PRKX: variants seen among roughly 807,000 people sequenced by gnomAD.
The protein encoded by PRKX is cAMP-dependent protein kinase catalytic subunit PRKX.
In PRKX, 12 loss-of-function variants were observed where a neutral mutation model predicts 22.0. The observed-to-expected ratio is 0.54, with a 90% CI of 0.35 to 0.88. PRKX has a LOEUF of 0.88. Among genes scored for constraint, PRKX ranks in the 40% least tolerant of loss-of-function variants. The pLI is 0.01. For missense variants in PRKX, 217 were observed against 308.0 expected, an observed-to-expected ratio of 0.70 and a Z score of 2.21; for synonymous variants, 134 against 137.7, an observed-to-expected ratio of 0.97 and a Z score of 0.19.
rs1172328585 is a variant in PRKX at position 3,608,062 on chromosome X, T to C, written c.*907A>G. ...ATGCCCGGCTAATTTTTTTGTATTT[T>C]GTAGAGATGAGGTCTCACCACGTTT... On this transcript the variant is annotated 3_prime_UTR_variant, in exon 9 of 9. Coordinates refer to ENST00000262848, the MANE Select transcript of PRKX (RefSeq NM_005044.5). 1 of 108,262 alleles carries C rather than the reference T, an allele frequency of 9.2e-6. No individual in the cohort carries two copies. Among genetic ancestry groups the C allele is most frequent in the Non-Finnish European group, 1.9e-5 (1 of 52,315 alleles). 8.9% of individuals were successfully genotyped at this position (108,262 alleles called of 1,213,427 possible). A position where few individuals can be genotyped will look rare whatever the true frequency, so the allele number is the denominator to read the frequency against.
chrX:3,673,923 A>G (rs1419603333), intron 2 of PRKX, among the ~76,000 whole-genome samples: 1 of 111,083 alleles, frequency 9.0e-6, no homozygotes, highest in Non-Finnish European at 1.9e-5. Flanking sequence ...GACACAGTGA[A>G]AAGGCGCCAT....
chrX:3,644,475 G>A (rs1927150215), intron 3 of PRKX, among the ~76,000 whole-genome samples: 1 of 107,314 alleles, frequency 9.3e-6, no homozygotes, highest in Admixed American at 1.0e-4. Flanking sequence ...AAGAAGACAA[G>A]GAGAGAAATT....
chrX:3,654,099 T>C (rs1462916410), intron 3 of PRKX, among the ~76,000 whole-genome samples: 1 of 87,360 alleles, frequency 1.1e-5, no homozygotes, highest in East Asian at 3.3e-4. Context: ...GTATGTGTAA[T>C]ATATAATACG....
chrX:3,651,080 G>C (rs1927322204), intron 3 of PRKX, among the ~76,000 whole-genome samples: 1 of 106,154 alleles, frequency 9.4e-6, no homozygotes, highest in South Asian at 4.3e-4. Flanking sequence ...GGCCAGCAGA[G>C]AGATGCTTCG....
At chrX:3,711,151 G>A (rs139519998) in intron 1 of PRKX, among the ~76,000 whole-genome samples, 3 of 110,889 alleles carry the variant, frequency 2.7e-5, no homozygotes, top group Non-Finnish European at 3.8e-5. Flanking sequence ...TGTTCCAGAC[G>A]TGCATGCAAA....
chrX:3,694,717 G>A (rs1928410928), intron 1 of PRKX, among the ~76,000 whole-genome samples: 1 of 112,321 alleles, frequency 8.9e-6, no homozygotes, highest in African/African-American at 3.2e-5. Context: ...TAGGGATCTT[G>A]AGATGAGATC....
chrX:3,696,786 G>A (rs1206343132), intron 1 of PRKX, among the ~76,000 whole-genome samples: 2 of 112,042 alleles, frequency 1.8e-5, no homozygotes, highest in Non-Finnish European at 1.9e-5. Flanking sequence ...TCGGGAGGCC[G>A]AGGGAGGCGG....
intron 7 of PRKX, among the ~76,000 whole-genome samples, chrX:3,613,054 G>A (rs1358621344): frequency 9.6e-6 from 1 of 103,924 alleles, no homozygotes; most frequent in Non-Finnish European, 2.0e-5. Context: ...GGGAGGCTGA[G>A]GCAGGAGAAT....
intron 1 of PRKX, among the ~76,000 whole-genome samples, chrX:3,686,978 C>G (rs1465953805): frequency 1.8e-5 from 2 of 112,039 alleles, no homozygotes; most frequent in Non-Finnish European, 3.8e-5. Context: ...ACCAACACCA[C>G]CAACCATCTC....
At chrX:3,655,128 C>G (rs1927451405) in intron 3 of PRKX, 21 bp downstream of exon 3, 1 of 1,206,360 alleles carries the variant, frequency 8.3e-7, no homozygotes, top group African/African-American at 1.8e-5. Context: ...TAGATTCCAT[C>G]GGAGTTCACG....
chrX:3,630,420 C>G (rs764116083), intron 4 of PRKX, among the ~76,000 whole-genome samples: 3 of 111,185 alleles, frequency 2.7e-5, no homozygotes, highest in Non-Finnish European at 5.7e-5. Flanking sequence ...ATTAGCCAGG[C>G]GTGGTGGCGG....
At chrX:3,679,331 T>C (rs956008806) in intron 1 of PRKX, among the ~76,000 whole-genome samples, 6 of 112,461 alleles carry the variant, frequency 5.3e-5, no homozygotes, top group Non-Finnish European at 1.1e-4. Context: ...CTCTCGATTT[T>C]TTGCATGAAT....
At chrX:3,690,087 T>C (rs1278379032) in intron 1 of PRKX, among the ~76,000 whole-genome samples, 8 of 112,761 alleles carry the variant, frequency 7.1e-5, no homozygotes, top group African/African-American at 2.6e-4. Context: ...ATTGTATCTC[T>C]ATAAACAATG....
intron 2 of PRKX, among the ~76,000 whole-genome samples, chrX:3,665,141 C>T (rs763475619): frequency 3.9e-4 from 43 of 111,087 alleles, no homozygotes; most frequent in African/African-American, 1.4e-3. Context: ...TGTGTGTGCA[C>T]GTGCACGTGT....
intron 1 of PRKX, among the ~76,000 whole-genome samples, chrX:3,700,186 G>C (rs1928529419): frequency 8.9e-6 from 1 of 111,970 alleles, no homozygotes; most frequent in Non-Finnish European, 1.9e-5. Flanking sequence ...GGACCCTCTG[G>C]CTTGTGACAG....
At chrX:3,683,042 C>A (rs1928106415) in intron 1 of PRKX, among the ~76,000 whole-genome samples, 1 of 111,149 alleles carries the variant, frequency 9.0e-6, no homozygotes, top group Non-Finnish European at 1.9e-5. Context: ...ACGCCTGGAG[C>A]CCCCAGGAGC....
chrX:3,648,553 C>T (rs1309928216), intron 3 of PRKX, among the ~76,000 whole-genome samples: 9 of 103,793 alleles, frequency 8.7e-5, no homozygotes, highest in African/African-American at 3.6e-5. Flanking sequence ...TGATAACAAT[C>T]GAAGCTGGGT....
chrX:3,701,750 G>A (rs141026652), intron 1 of PRKX, among the ~76,000 whole-genome samples: 28 of 111,284 alleles, frequency 2.5e-4, no homozygotes, highest in South Asian at 7.6e-4. Context: ...AACAGGTTGC[G>A]GTAAAGAAGC....
At chrX:3,640,923 A>C (rs764172428) in intron 4 of PRKX, among the ~76,000 whole-genome samples, 138 of 111,133 alleles carry the variant, frequency 1.2e-3, no homozygotes, top group Middle Eastern at 4.7e-3. Flanking sequence ...ACACTCCCAC[A>C]AGGGCCATGA....
Sources: gnomAD v4.1 joint callset for allele counts (sites outside exome capture counted in the v4.1 genomes callset) on GRCh38, gnomAD v4.1.1 for gene constraint, MANE v1.5 for transcripts, NCBI Gene and HGNC (gene_info 2026-07-23, HGNC 2026-07-21) for gene names.